The following KLHL29 variants were observed in gnomAD, a reference collection of about 807,000 sequenced individuals.
KLHL29 encodes the protein kelch like family member 29.
A neutral mutation model predicts 80.4 loss-of-function variants in KLHL29; 21 were observed. The observed-to-expected ratio is 0.26, with a 90% CI of 0.19 to 0.38. The LOEUF (loss-of-function observed/expected upper bound fraction) is 0.38. Ranked by LOEUF, KLHL29 falls within the 10% of genes least tolerant of loss-of-function variation. The pLI, the probability that KLHL29 is intolerant of heterozygous loss-of-function variation, is 1.00. For missense variants in KLHL29, 867 were observed against 1,223.9 expected, an observed-to-expected ratio of 0.71 and a Z score of 4.35; for synonymous variants, 511 against 526.8, an observed-to-expected ratio of 0.97 and a Z score of 0.41.
At chr2:23,470,897 T>G (rs1664480532) in intron 1 of KLHL29, among the ~76,000 whole-genome samples, 1 of 152,238 alleles carries the variant, frequency 6.6e-6, no homozygotes, top group Admixed American at 6.5e-5. Flanking sequence ...ATTTTTGTGT[T>G]GGCAAGAAGC....
chr2:23,388,287 A>AG (rs1359208799), intron 1 of KLHL29, among the ~76,000 whole-genome samples: 1 of 152,236 alleles, frequency 6.6e-6, no homozygotes, highest in African/African-American at 2.4e-5. Flanking sequence ...TGCTAACTGC[A>AG]GCTCCTCATA....
intron 8 of KLHL29, among the ~76,000 whole-genome samples, chr2:23,694,565 T>TTGAGCA (rs556889017): frequency 6.8e-4 from 103 of 152,354 alleles, no homozygotes; most frequent in African/African-American, 2.4e-3. Flanking sequence ...GCAGTCCTTG[T>TTGAGCA]TGAGCATGAG....
Position 23,411,429 on chromosome 2 carries a change from A to C in KLHL29, c.-154+25649A>C, listed in dbSNP as rs2723111. Among the ~76,000 whole-genome samples, 186 of 144,448 alleles carry C rather than the reference A, an allele frequency of 1.3e-3. 1 individual carries two copies. The highest frequency in any genetic ancestry group is 4.6e-3 in the African/African-American group (177 of 38,224). 94.8% of individuals were successfully genotyped at this position (144,448 alleles called of 152,430 possible). A position where few individuals can be genotyped will look rare whatever the true frequency, so the allele number is the denominator to read the frequency against. ...TGTGTGTGTGTGTGTGTGTGTGGTC[A>C]AGGTAGGATGGAAGGGCGAGGTAAT... On this transcript the variant is annotated intron_variant, in intron 1 of 13. Coordinates refer to ENST00000486442, the MANE Select transcript of KLHL29 (RefSeq NM_052920.2).
rs1416391070 is a variant in KLHL29 at position 23,696,245 on chromosome 2, A to C, written c.1925-88A>C. On this transcript the variant is annotated intron_variant, in intron 10 of 13. Transcript: ENST00000486442. This position sits in a 1 kb window ranked among gnomAD's most constrained non-coding sequence, Gnocchi z 5.5. ...CCAGAAGTGTCTACTTTGCAGGTGAAGCCTTCCTCTGCCCCTGGGGCTGGG... is the reference window on the plus strand; with the variant it reads ...CCAGAAGTGTCTACTTTGCAGGTGACGCCTTCCTCTGCCCCTGGGGCTGGG... The C allele has an allele frequency of 6.7e-7, 1 of 1,490,564 alleles. No homozygotes were observed. Among genetic ancestry groups the C allele is most frequent in the Non-Finnish European group, 9.1e-7 (1 of 1,099,594 alleles). The allele number at this position is 1,490,564 out of a possible 1,614,324, so 92.3% of individuals were successfully genotyped here. A position where few individuals can be genotyped will look rare whatever the true frequency, so the allele number is the denominator to read the frequency against.
intron 1 of KLHL29, among the ~76,000 whole-genome samples, chr2:23,397,764 CAACA>C (rs765148597): frequency 2.0e-5 from 3 of 152,158 alleles, no homozygotes; most frequent in Non-Finnish European, 4.4e-5. Flanking sequence ...GCTTTCAACT[CAACA>C]AACAAACACC....
At chr2:23,573,113 G>T (rs1001343655) in intron 3 of KLHL29, among the ~76,000 whole-genome samples, 6 of 152,222 alleles carry the variant, frequency 3.9e-5, no homozygotes, top group African/African-American at 1.2e-4. Flanking sequence ...TGTGTCGGGG[G>T]CGCAGATTTT....
chr2:23,628,345 C>A (rs1236160455), intron 3 of KLHL29, among the ~76,000 whole-genome samples: 1 of 146,580 alleles, frequency 6.8e-6, no homozygotes, highest in African/African-American at 2.6e-5. Context: ...CTTAGTTAAT[C>A]CTAGAATGCC....
chr2:23,609,535 T>A (rs932749296), intron 3 of KLHL29, among the ~76,000 whole-genome samples: 2 of 151,796 alleles, frequency 1.3e-5, no homozygotes, highest in Non-Finnish European at 2.9e-5. Flanking sequence ...CCCCCTCGGC[T>A]GGTTGTGGAG....
At chr2:23,683,790 GCTTTCCCGAAAAGTCC>G (rs965528543) in intron 5 of KLHL29, among the ~76,000 whole-genome samples, 1 of 152,178 alleles carries the variant, frequency 6.6e-6, no homozygotes, top group Non-Finnish European at 1.5e-5. Context: ...TTGCTTGCTT[GCTTTCCCGAAAAGTCC>G]CCACAAGTGT....
At chr2:23,453,907 G>A in intron 1 of KLHL29, among the ~76,000 whole-genome samples, 1 of 152,046 alleles carries the variant, frequency 6.6e-6, no homozygotes, top group Non-Finnish European at 1.5e-5. Flanking sequence ...TGGGGAGGAG[G>A]TTTTAGAACT....
intron 1 of KLHL29, among the ~76,000 whole-genome samples, chr2:23,429,486 C>T (rs920911347): frequency 6.6e-6 from 1 of 152,230 alleles, no homozygotes; most frequent in South Asian, 2.1e-4. Context: ...GGCGCAGTGG[C>T]TCACTCCTGT....
At position 23,605,198 on chromosome 2, in the gene KLHL29, G is replaced by A. The variant is rs1288155267; in HGVS notation, c.286-33941G>A. On this transcript the variant is annotated intron_variant, in intron 3 of 13. Transcript: ENST00000486442. ...ACCGTCTCAGCTCACTACAACCTCC[G>A]CTTCCCAGGCTCAAGGGATCTTCCC... Among the ~76,000 whole-genome samples, 4 of 130,316 alleles carry A rather than the reference G, an allele frequency of 3.1e-5. No individual in the cohort carries two copies. In the Admixed American group the frequency reaches 3.7e-4, roughly 12 times the overall value. 85.5% of individuals were successfully genotyped at this position (130,316 alleles called of 152,430 possible). A position where few individuals can be genotyped will look rare whatever the true frequency, so the allele number is the denominator to read the frequency against.
At chr2:23,625,645 C>G (rs1351595595) in intron 3 of KLHL29, among the ~76,000 whole-genome samples, 1 of 152,052 alleles carries the variant, frequency 6.6e-6, no homozygotes, top group Non-Finnish European at 1.5e-5. Context: ...ACAGGCGGAT[C>G]GATCTCCACT....
In KLHL29 at chr2:23,535,367, C is replaced by T. The variant is rs138390787; in HGVS notation, c.-45-26785C>T. Among the ~76,000 whole-genome samples the T allele has an allele frequency of 8.9e-4, 136 of 152,368 alleles. 1 individual carries two copies. Among genetic ancestry groups the T allele is most frequent in the Admixed American group, 3.0e-3 (46 of 15,300 alleles). The stretch of plus-strand genomic sequence containing the variant: ...CAAAGAATCAGAGCCAAGCCTCACA[C>T]GGCCACAGGCTGAGGCCTGCCTCTC... On this transcript the variant is annotated intron_variant, in intron 2 of 13. Coordinates refer to ENST00000486442, the MANE Select transcript of KLHL29 (RefSeq NM_052920.2).
At position 23,669,497 on chromosome 2, in the gene KLHL29, A is replaced by G. The variant is rs539741034; in HGVS notation, c.941-14902A>G. 7.2e-5 allele frequency: 11 copies of G among 152,104 alleles called. No homozygotes were observed. The highest frequency in any genetic ancestry group is 2.7e-4 in the African/African-American group (11 of 41,422). 9.4% of individuals were successfully genotyped at this position (152,104 alleles called of 1,614,324 possible). On this transcript the variant is annotated intron_variant, in intron 5 of 13. Coordinates refer to ENST00000486442, the MANE Select transcript of KLHL29 (RefSeq NM_052920.2). The surrounding 1 kb of genome is among the most constrained non-coding windows in gnomAD (Gnocchi z 4.3). ...GTAGATAACTGTACATGCAGAGAAG[A>G]CTCCCTAGGGCAGAAAGCCAGATTG...
chr2:23,398,896 T>C (rs971393899), intron 1 of KLHL29, among the ~76,000 whole-genome samples: 1 of 152,194 alleles, frequency 6.6e-6, no homozygotes, highest in African/African-American at 2.4e-5. Flanking sequence ...TCCTAAAGCA[T>C]ACAGGCCCTG....
At chr2:23,410,938 C>G (rs551899590) in intron 1 of KLHL29, among the ~76,000 whole-genome samples, 1 of 152,186 alleles carries the variant, frequency 6.6e-6, no homozygotes, top group Admixed American at 6.5e-5. Context: ...TGCTCCCTCC[C>G]TCCTCTGACC....
chr2:23,421,751 CATGT>C (rs1241362844), intron 1 of KLHL29, among the ~76,000 whole-genome samples: 1 of 127,344 alleles, frequency 7.9e-6, no homozygotes, highest in African/African-American at 3.0e-5. Flanking sequence ...TGTGTGTGTT[CATGT>C]GTGTGTGTGT....
chr2:23,477,326 T>G (rs1365459879), intron 2 of KLHL29, among the ~76,000 whole-genome samples: 1 of 152,248 alleles, frequency 6.6e-6, no homozygotes, highest in Non-Finnish European at 1.5e-5. Flanking sequence ...GAGAGCTTTC[T>G]CTTTGGACTC....
Sources: gnomAD v4.1 joint callset for allele counts (sites outside exome capture counted in the v4.1 genomes callset) on GRCh38, gnomAD v4.1.1 for gene constraint, Gnocchi (gnomAD v3.1) non-coding constraint, MANE v1.5 for transcripts, NCBI Gene and HGNC (gene_info 2026-07-23, HGNC 2026-07-21) for gene names.